NRG3: variants seen among roughly 807,000 people sequenced by gnomAD.
NRG3 encodes pro-neuregulin-3, membrane-bound isoform.
NRG3 carries 31 observed loss-of-function variants against 66.9 expected under a neutral mutation model. The observed-to-expected ratio is 0.46, with a 90% confidence interval of 0.35 to 0.63. NRG3 has a LOEUF of 0.63. NRG3 is among the 20% of genes least tolerant of loss of function. The pLI is 0.00. For missense variants in NRG3, 910 were observed against 878.9 expected (o/e 1.04, Z -0.45); for synonymous variants, 393 against 359.4 (o/e 1.09, Z -1.06).
At chr10:82,279,226 A>T (rs1014293175) in intron 1 of NRG3, among the ~76,000 whole-genome samples, 1 of 152,170 alleles carries the variant, frequency 6.6e-6, no homozygotes, top group South Asian at 2.1e-4. Flanking sequence ...CATTTGACTC[A>T]AACTGTGCTG....
At chr10:82,743,284 A>G (rs1300302790) in intron 3 of NRG3, among the ~76,000 whole-genome samples, 1 of 152,072 alleles carries the variant, frequency 6.6e-6, no homozygotes, top group African/African-American at 2.4e-5. Flanking sequence ...ATACGTGCTG[A>G]CTTCGATTCG....
At chr10:81,966,875 CAT>C (rs1394719286) in intron 1 of NRG3, among the ~76,000 whole-genome samples, 1 of 152,014 alleles carries the variant, frequency 6.6e-6, no homozygotes, top group Admixed American at 6.6e-5. Context: ...TTAATAAAAT[CAT>C]ATATGTGACA....
Position 82,406,525 on chromosome 10 carries a change from C to T in NRG3, c.953+47657C>T, listed in dbSNP as rs1285111462. ...CTTCAGTCACTTCTCAATTCTACCT[C>T]AAAAGCTCAGACTCTTAAAGGTTTC... On this transcript the variant is annotated intron_variant, in intron 2 of 8. Transcript: ENST00000372141. Among the ~76,000 whole-genome samples, 3 of 152,256 alleles carry T rather than the reference C, an allele frequency of 2.0e-5. No homozygotes were observed. In the East Asian group the frequency reaches 5.8e-4, roughly 29 times the overall value.
chr10:82,784,049 T>C (rs1279989413), intron 3 of NRG3, among the ~76,000 whole-genome samples: 1 of 151,794 alleles, frequency 6.6e-6, no homozygotes, highest in Non-Finnish European at 1.5e-5. Flanking sequence ...TCAGAAATAA[T>C]GCTGCGTATC....
intron 2 of NRG3, among the ~76,000 whole-genome samples, chr10:82,685,755 C>T (rs572767147): frequency 6.6e-6 from 1 of 151,992 alleles, no homozygotes; most frequent in African/African-American, 2.4e-5. Context: ...CTCTGTATAT[C>T]TTTATATTAT....
chr10:82,864,408 A>C (rs1440781516), intron 3 of NRG3, among the ~76,000 whole-genome samples: 1 of 152,198 alleles, frequency 6.6e-6, no homozygotes, highest in Non-Finnish European at 1.5e-5. Flanking sequence ...GTTTTCTAAA[A>C]GGAAAAGCTT....
chr10:82,610,573 G>A (rs1157191536), intron 2 of NRG3, among the ~76,000 whole-genome samples: 1 of 152,144 alleles, frequency 6.6e-6, no homozygotes, highest in East Asian at 1.9e-4. Context: ...CCACTGGGAT[G>A]CTCTTGGCTA....
intron 2 of NRG3, among the ~76,000 whole-genome samples, chr10:82,707,226 A>G (rs2056360624): frequency 6.6e-6 from 1 of 151,970 alleles, no homozygotes; most frequent in Non-Finnish European, 1.5e-5. Context: ...CGAGGTAGCA[A>G]TTATATTAAA....
rs541694946 is a variant in NRG3, at chr10:82,579,402, G to C, written c.954-159175G>C. Among the ~76,000 whole-genome samples the C allele has an allele frequency of 2.6e-3, 399 of 152,040 alleles. 2 individuals carry two copies. Among genetic ancestry groups the C allele is most frequent in the African/African-American group, 9.4e-3 (391 of 41,512 alleles). ...GATTCTGTAACTAACAACTAATCTT[G>C]CTTCACTTCCCCTCCACAGCCTTCA... is the stretch of plus-strand genomic sequence containing the variant. On this transcript the variant is annotated intron_variant, in intron 2 of 8. Coordinates refer to ENST00000372141, the MANE Select transcript of NRG3 (RefSeq NM_001010848.4).
At chr10:82,692,046 G>C (rs1220765086) in intron 2 of NRG3, among the ~76,000 whole-genome samples, 1 of 152,070 alleles carries the variant, frequency 6.6e-6, no homozygotes, top group Non-Finnish European at 1.5e-5. Flanking sequence ...GGCCAAGGTG[G>C]GTGGATCACC....
intron 3 of NRG3, among the ~76,000 whole-genome samples, chr10:82,803,743 T>C (rs1373770090): frequency 6.6e-6 from 1 of 152,146 alleles, no homozygotes. Flanking sequence ...AGTTATAAAA[T>C]GAAGACAACA....
intron 1 of NRG3, among the ~76,000 whole-genome samples, chr10:82,225,238 C>G (rs1564682844): frequency 1.3e-5 from 2 of 152,148 alleles, no homozygotes; most frequent in Non-Finnish European, 2.9e-5. Flanking sequence ...ACGGTATTAA[C>G]ACCTAAAATC....
At chr10:82,394,880 C>T (rs993103325) in intron 2 of NRG3, among the ~76,000 whole-genome samples, 3 of 152,144 alleles carry the variant, frequency 2.0e-5, no homozygotes, top group African/African-American at 7.2e-5. Flanking sequence ...AGCTTGAACT[C>T]TTCTGTGCTG....
rs1853384480 is a variant in NRG3, at chr10:82,985,706, T to C, written c.*101T>C. On this transcript the variant is annotated 3_prime_UTR_variant, in exon 9 of 9. Coordinates refer to ENST00000372141, the MANE Select transcript of NRG3 (RefSeq NM_001010848.4). Reference sequence around the variant, plus strand: ...ATGCATTAATTTAAGAGCATCTACTTAGAAGAAACCAAATAGTCTATCGCC... The same window carrying C: ...ATGCATTAATTTAAGAGCATCTACTCAGAAGAAACCAAATAGTCTATCGCC... 1 of 1,285,522 alleles carries C rather than the reference T, an allele frequency of 7.8e-7. No homozygotes were observed. Among genetic ancestry groups the C allele is most frequent in the East Asian group, 2.3e-5 (1 of 42,868 alleles). The allele number at this position is 1,285,522 out of a possible 1,614,324, so 79.6% of individuals were successfully genotyped here.
chr10:82,069,775 T>C (rs2064698546), intron 1 of NRG3, among the ~76,000 whole-genome samples: 1 of 152,206 alleles, frequency 6.6e-6, no homozygotes, highest in South Asian at 2.1e-4. Context: ...AAATAAGCTT[T>C]TAGAAAACTG....
chr10:82,462,909 G>A (rs991751726), intron 2 of NRG3, among the ~76,000 whole-genome samples: 2 of 152,148 alleles, frequency 1.3e-5, no homozygotes, highest in South Asian at 2.1e-4. Flanking sequence ...GTGGCTCACA[G>A]AGGTTGCTTG....
chr10:82,870,486 T>C (rs2135983118), intron 4 of NRG3, among the ~76,000 whole-genome samples: 1 of 152,278 alleles, frequency 6.6e-6, no homozygotes, highest in Non-Finnish European at 1.5e-5. Flanking sequence ...GAAGGATATG[T>C]TTAGTTTTTT....
At chr10:82,455,258 G>T (rs559156710) in intron 2 of NRG3, among the ~76,000 whole-genome samples, 1 of 152,130 alleles carries the variant, frequency 6.6e-6, no homozygotes, top group East Asian at 1.9e-4. Flanking sequence ...TTGTGCAAAC[G>T]TCATAGTGTG....
chr10:82,957,281 G>A (rs994785883), intron 5 of NRG3, among the ~76,000 whole-genome samples: 6 of 151,924 alleles, frequency 3.9e-5, no homozygotes, highest in Non-Finnish European at 7.3e-5. Flanking sequence ...TATTAGGGTA[G>A]CAAAACTAGT....
Sources: gnomAD v4.1 joint callset for allele counts (sites outside exome capture counted in the v4.1 genomes callset) on GRCh38, gnomAD v4.1.1 for gene constraint, MANE v1.5 for transcripts, NCBI Gene and HGNC (gene_info 2026-07-23, HGNC 2026-07-21) for gene names.